The following CDC27 variants were observed in gnomAD, a reference collection of about 807,000 sequenced individuals.
The protein encoded by CDC27 is cell division cycle protein 27 homolog.
Under a neutral mutation model 109.7 loss-of-function variants are expected in CDC27, and 27 were observed. That is an observed-to-expected ratio of 0.25 (90% CI 0.18 to 0.34). The LOEUF (loss-of-function observed/expected upper bound fraction) is 0.34. CDC27 is among the 10% of genes least tolerant of loss of function. CDC27 has a pLI of 1.00. For missense variants in CDC27, 579 were observed against 960.2 expected (o/e 0.60, Z 5.25); for synonymous variants, 266 against 333.9 (o/e 0.80, Z 2.22).
intron 13 of CDC27, 56 bp downstream of exon 13, chr17:47,138,683 C>G: frequency 8.2e-7 from 1 of 1,222,992 alleles, no homozygotes; most frequent in East Asian, 2.3e-5. Flanking sequence ...TCATCTCTAT[C>G]TGTTGAGGGT....
intron 16 of CDC27, among the ~76,000 whole-genome samples, chr17:47,128,147 C>T (rs2062205644): frequency 6.6e-6 from 1 of 152,092 alleles, no homozygotes; most frequent in African/African-American, 2.4e-5. Flanking sequence ...TCTCGTGCCT[C>T]AGCCTCCCAA....
chr17:47,135,790 A>C (rs1187816199), intron 14 of CDC27, among the ~76,000 whole-genome samples: 1 of 152,018 alleles, frequency 6.6e-6, no homozygotes, highest in Non-Finnish European at 1.5e-5. Flanking sequence ...TAAAAAAAAA[A>C]CAACACAAGG....
rs756596685 is a variant in CDC27, at chr17:47,181,576, C to A, written c.89G>T (p.Arg30Leu). The change falls in exon 2 of 19, where the codon CGC (arginine) becomes CTC (leucine). Residue 30 changes from arginine to leucine, a missense_variant. Arg to Leu is a moderately radical substitution (Grantham distance 102). This residue lies in a region of CDC27 where 44 missense variants were observed against 102.2 expected (regional missense o/e 0.43). Transcript: ENST00000066544. ...AGATTTCAAACCTTCTGCATAAAGGCGTTCTGCGAGGAAAACCGCATCTCG... is the reference window on the plus strand; with the variant it reads ...AGATTTCAAACCTTCTGCATAAAGGAGTTCTGCGAGGAAAACCGCATCTCG... ...AYRDAVFLAE[R>L]LYAEVHSEEA... is the part of the protein sequence containing the mutation. 6.3e-7 allele frequency: 1 copy of A among 1,597,678 alleles called. No individual in the cohort carries two copies. Among genetic ancestry groups the A allele is most frequent in the Non-Finnish European group, 8.6e-7 (1 of 1,166,292 alleles).
At chr17:47,185,279 C>T (rs886758123) in intron 1 of CDC27, among the ~76,000 whole-genome samples, 2 of 152,050 alleles carry the variant, frequency 1.3e-5, no homozygotes, top group African/African-American at 4.8e-5. Context: ...CCTGGGTTCA[C>T]GCCATTCTCC....
intron 9 of CDC27, among the ~76,000 whole-genome samples, chr17:47,147,400 A>AAAAC (rs532383207): frequency 5.2e-4 from 74 of 143,048 alleles, no homozygotes; most frequent in Middle Eastern, 3.5e-3. Context: ...CTCCGTCTCA[A>AAAAC]AAACAAACAA....
At position 47,142,222 on chromosome 17, in the gene CDC27, A is replaced by G. The variant is rs749857065; in HGVS notation, c.1378+7T>C. 1.3e-6 allele frequency: 2 copies of G among 1,538,630 alleles called. No homozygotes were observed. The highest frequency in any genetic ancestry group is 3.8e-5 in the Admixed American group (2 of 52,962). ...TACAAAGATAATATTAAGCATTTAA[A>G]ACAGACCTGCTGCTGCTTTTTGTAG... On this transcript the variant is annotated splice_region_variant and intron_variant, in intron 11 of 18. Transcript: ENST00000066544.
chr17:47,139,014 A>C (rs975660649), intron 12 of CDC27, 123 bp from the exon 13 acceptor site: 4 of 616,844 alleles, frequency 6.5e-6, no homozygotes, highest in African/African-American at 1.9e-5. Flanking sequence ...TTTTTATGTG[A>C]ATGAGTATTA....
At chr17:47,138,591 C>T (rs11570539) in intron 13 of CDC27, 148 bp downstream of exon 13, 2 of 555,224 alleles carry the variant, frequency 3.6e-6, no homozygotes, top group Admixed American at 3.6e-5. Context: ...ACTTTCTCTT[C>T]CTCTCTGAGT....
chr17:47,129,314 C>A, intron 16 of CDC27, 79 bp downstream of exon 16: 1 of 1,085,380 alleles, frequency 9.2e-7, no homozygotes, highest in South Asian at 1.7e-5. Flanking sequence ...AAATAAATAA[C>A]TTTCAGTTTA....
At chr17:47,127,079 C>T (rs1430363962) in intron 16 of CDC27, among the ~76,000 whole-genome samples, 2 of 152,092 alleles carry the variant, frequency 1.3e-5, no homozygotes, top group East Asian at 1.9e-4. Context: ...CAAGCATGGG[C>T]CACGGCACCT....
intron 5 of CDC27, 116 bp from the exon 6 acceptor site, chr17:47,157,500 T>C: frequency 1.5e-6 from 1 of 658,736 alleles, no homozygotes; most frequent in Non-Finnish European, 2.5e-6. Context: ...TTTAAAAATC[T>C]CCTGTCCACT....
intron 14 of CDC27, among the ~76,000 whole-genome samples, chr17:47,133,062 T>TACACAC (rs200816984): frequency 3.9e-4 from 29 of 73,710 alleles, no homozygotes; most frequent in South Asian, 1.2e-3. Context: ...CACATACATA[T>TACACAC]ACACACACAC....
Position 47,141,898 on chromosome 17 carries a change from C to T in CDC27, c.1506G>A (p.Leu502=). 12 of 1,601,056 alleles carry T rather than the reference C, an allele frequency of 7.5e-6. No homozygotes were observed. Among genetic ancestry groups the T allele is most frequent in the Non-Finnish European group, 1.0e-5 (12 of 1,175,370 alleles). The part of the protein sequence containing the change: ...PSHHYNTGWV[L]CQIGRAYFEL... ...CAAAATAGGCCCTTCCAATTTGGCA[C>T]AGTACCCAACCAGTATTGTAGTGGT... is the stretch of plus-strand genomic sequence containing the variant. The change falls in exon 12 of 19, where the codon CTG becomes CTA. Residue 502 remains leucine (L), a synonymous_variant. Coordinates refer to ENST00000066544, the MANE Select transcript of CDC27 (RefSeq NM_001256.6).
chr17:47,150,951 G>A (rs570049432), intron 9 of CDC27, among the ~76,000 whole-genome samples: 1 of 152,192 alleles, frequency 6.6e-6, no homozygotes, highest in South Asian at 2.1e-4. Flanking sequence ...AGAATCACTT[G>A]AACCCGGGAG....
intron 1 of CDC27, among the ~76,000 whole-genome samples, chr17:47,183,967 A>T (rs1250811329): frequency 1.3e-5 from 2 of 152,328 alleles, no homozygotes; most frequent in East Asian, 1.9e-4. Flanking sequence ...TAAATAGAAG[A>T]ATTATTTTAT....
intron 14 of CDC27, among the ~76,000 whole-genome samples, 192 bp from the exon 15 acceptor site, chr17:47,132,566 A>T (rs559726456): frequency 1.3e-5 from 2 of 151,660 alleles, no homozygotes; most frequent in African/African-American, 4.8e-5. Context: ...TTATTTTTAA[A>T]TAAAAAAATT....
At chr17:47,123,766 G>A in intron 17 of CDC27, 120 bp downstream of exon 17, 1 of 612,684 alleles carries the variant, frequency 1.6e-6, no homozygotes. Context: ...AGAGCACTCA[G>A]TTCGGAGCTT....
chr17:47,140,916 T>C (rs2062774928), intron 12 of CDC27, among the ~76,000 whole-genome samples: 1 of 151,968 alleles, frequency 6.6e-6, no homozygotes, highest in Admixed American at 6.6e-5. Flanking sequence ...AAGGGAAGAG[T>C]AACCTTCCCT....
At chr17:47,121,229 G>A (rs2061974130) in intron 18 of CDC27, among the ~76,000 whole-genome samples, 1 of 151,708 alleles carries the variant, frequency 6.6e-6, no homozygotes, top group Non-Finnish European at 1.5e-5. Context: ...TTACCTTTAA[G>A]TTTTAACTAC....
Sources: allele counts gnomAD v4.1 joint callset (sites outside exome capture counted in the v4.1 genomes callset), GRCh38; gene constraint gnomAD v4.1.1; regional missense constraint gnomAD v4.1.1; transcripts MANE v1.5; gene names NCBI Gene and HGNC (gene_info 2026-07-23, HGNC 2026-07-21).